Variants in PTPRS observed in about 807,000 individuals in gnomAD.
PTPRS encodes receptor-type tyrosine-protein phosphatase S.
In PTPRS, 63 loss-of-function variants were observed where a neutral mutation model predicts 215.3. The observed-to-expected ratio is 0.29, with a 90% CI of 0.24 to 0.36. The LOEUF is 0.36. Ranked by LOEUF, PTPRS falls within the 10% of genes least tolerant of loss-of-function variation. PTPRS has a pLI of 1.00. For synonymous variants in PTPRS, 1,404 were observed against 1,191.4 expected (o/e 1.18, Z -3.68); for missense variants, 2,258 against 2,825.8 (o/e 0.80, Z 4.56).
intron 16 of PTPRS, among the ~76,000 whole-genome samples, chr19:5,228,132 GA>G (rs1007844205): frequency 2.0e-5 from 3 of 151,952 alleles, no homozygotes; most frequent in African/African-American, 7.2e-5. Flanking sequence ...CAGTGTGGGT[GA>G]GAGATGGGAG....
At position 5,222,918 on chromosome 19, in the gene PTPRS, G is replaced by A. The variant is rs1045006776; in HGVS notation, c.2874C>T (p.Arg958=). The A allele has an allele frequency of 6.4e-7, 1 of 1,565,514 alleles. No individual in the cohort carries two copies. The highest frequency in any genetic ancestry group is 8.6e-7 in the Non-Finnish European group (1 of 1,163,030). The change falls in exon 18 of 38, where the codon CGC becomes CGT. Residue 958 remains arginine (R), a synonymous_variant. Transcript: ENST00000262963. ...CCGTGTATTTGACGATGGCCCCGTT[G>A]CGCTCGGCGGGCACGGGTGGCAGCC... The part of the protein sequence containing the change: ...LRWLPPVPAE[R]NGAIVKYTVA...
At chr19:5,245,568 C>A (rs375835046) in intron 10 of PTPRS, among the ~76,000 whole-genome samples, 1 of 152,242 alleles carries the variant, frequency 6.6e-6, no homozygotes, top group South Asian at 2.1e-4. Context: ...GCTGGGATTA[C>A]AGGCGTGAAT....
rs910795110 is a variant in PTPRS, at chr19:5,205,546, C to T, written c.*1228G>A. Among the ~76,000 whole-genome samples the T allele has an allele frequency of 2.0e-5, 3 of 152,212 alleles. No homozygotes were observed. The highest frequency in any genetic ancestry group is 4.4e-5 in the Non-Finnish European group (3 of 68,038). The stretch of plus-strand genomic sequence containing the variant: ...CTTTAATACAAAGTCGATATATCTA[C>T]ATACACGGGGGTGGGAAAACCACCC... On this transcript the variant is annotated 3_prime_UTR_variant, in exon 38 of 38. Coordinates refer to ENST00000262963, the MANE Select transcript of PTPRS (RefSeq NM_002850.4).
In PTPRS at chr19:5,210,438, G is replaced by A. The variant is rs915959450; in HGVS notation, c.5487+31C>T. Reference sequence around the variant, plus strand: ...CCCTTTCCAGATCACTAAGGCTCCAGCCCCTCCCGCCAGTCTGTCTCTTCA... The same window carrying A: ...CCCTTTCCAGATCACTAAGGCTCCAACCCCTCCCGCCAGTCTGTCTCTTCA... On this transcript the variant is annotated intron_variant, in intron 35 of 37. Coordinates refer to ENST00000262963, the MANE Select transcript of PTPRS (RefSeq NM_002850.4). This position sits in a 1 kb window ranked among gnomAD's most constrained non-coding sequence, Gnocchi z 4.5. 6.2e-7 allele frequency: 1 copy of A among 1,613,614 alleles called. No individual in the cohort carries two copies. Among genetic ancestry groups the A allele is most frequent in the Non-Finnish European group, 8.5e-7 (1 of 1,179,814 alleles).
At chr19:5,271,561 A>G (rs2046912644) in intron 4 of PTPRS, among the ~76,000 whole-genome samples, 1 of 151,494 alleles carries the variant, frequency 6.6e-6, no homozygotes, top group Admixed American at 6.6e-5. Flanking sequence ...CATCACGTTC[A>G]GCTAATTTTT....
intron 12 of PTPRS, 42 bp from the exon 13 acceptor site, chr19:5,239,105 G>C (rs1287558600): frequency 2.0e-6 from 3 of 1,482,494 alleles, no homozygotes; most frequent in South Asian, 1.2e-5. Flanking sequence ...ATGGGGGAGA[G>C]AGAGAGAGAG....
chr19:5,294,716 C>T lies in PTPRS; in HGVS notation c.-94-8482G>A, dbSNP rs2049076582. On this transcript the variant is annotated intron_variant, in intron 1 of 37. Coordinates refer to ENST00000262963, the MANE Select transcript of PTPRS (RefSeq NM_002850.4). The surrounding 1 kb of genome is among the most constrained non-coding windows in gnomAD (Gnocchi z 5.1). ...CCCTTACCATGCCTCAGTTTCCCTC[C>T]TCTGCAAAATGGAGCATGGAATCGC... 6.6e-6 allele frequency: 1 copy of T among 152,280 alleles called. No homozygotes were observed. The highest frequency in any genetic ancestry group is 1.5e-5 in the Non-Finnish European group (1 of 68,072). 9.4% of individuals were successfully genotyped at this position (152,280 alleles called of 1,614,324 possible). A position where few individuals can be genotyped will look rare whatever the true frequency, so the allele number is the denominator to read the frequency against.
At chr19:5,218,907 C>G in intron 23 of PTPRS, 109 bp from the exon 24 acceptor site, 1 of 1,199,756 alleles carries the variant, frequency 8.3e-7, no homozygotes, top group Non-Finnish European at 1.2e-6. Flanking sequence ...TCCTTAACCT[C>G]TGTGAGCTTT....
At chr19:5,270,723 C>T (rs369015161) in intron 4 of PTPRS, among the ~76,000 whole-genome samples, 8 of 152,180 alleles carry the variant, frequency 5.3e-5, no homozygotes, top group African/African-American at 1.7e-4. Context: ...CTGCAGCCTC[C>T]GCCTCCCGGG....
In PTPRS at chr19:5,222,180, T is replaced by C. The variant is rs2042033575; in HGVS notation, c.3144A>G (p.Thr1048=). The change falls in exon 19 of 38, where the codon ACA becomes ACG. Residue 1048 remains threonine, a synonymous_variant. Transcript: ENST00000262963. ...KNFKVKMIMK[T]SVLLSWEFPD... ...GGAACTCCCAGCTGAGCAGAACTGATGTCTTCATGATCATTTTCACCTTGA... is the reference window on the plus strand; with the variant it reads ...GGAACTCCCAGCTGAGCAGAACTGACGTCTTCATGATCATTTTCACCTTGA... The C allele has an allele frequency of 6.2e-6, 10 of 1,613,988 alleles. No homozygotes were observed. Among genetic ancestry groups the C allele is most frequent in the South Asian group, 1.1e-5 (1 of 91,076 alleles).
chr19:5,298,839 T>C (rs2049220236), intron 1 of PTPRS, among the ~76,000 whole-genome samples: 1 of 152,154 alleles, frequency 6.6e-6, no homozygotes, highest in African/African-American at 2.4e-5. Context: ...TCCCATGTCT[T>C]CCCCAACTCT....
chr19:5,221,327 T>TC (rs2041958137), intron 19 of PTPRS, 74 bp from the exon 20 acceptor site: 1 of 1,536,546 alleles, frequency 6.5e-7, no homozygotes, highest in East Asian at 2.3e-5. Context: ...CCAGGATGAG[T>TC]CCCCCACCCT....
At position 5,214,475 on chromosome 19, in the gene PTPRS, C is replaced by G. The variant is rs61729768; in HGVS notation, c.4500G>C (p.Lys1500Asn). ...CTCTGTTGGGCCAATACTGATCACA[C>G]TTGATCTGTATCGGGCAAGAGAACA... ...MTRLEEKSRI[K>N]CDQYWPNRGT... The change falls in exon 30 of 38, where the codon AAG becomes AAC. Residue 1500 changes from lysine to asparagine, a missense_variant. This residue lies in a region of PTPRS where 927 missense variants were observed against 1,125.9 expected (regional missense o/e 0.82). Coordinates refer to ENST00000262963, the MANE Select transcript of PTPRS (RefSeq NM_002850.4). 6.2e-7 allele frequency: 1 copy of G among 1,614,018 alleles called. No individual in the cohort carries two copies. Among genetic ancestry groups the G allele is most frequent in the Non-Finnish European group, 8.5e-7 (1 of 1,180,042 alleles).
chr19:5,231,528 G>A lies in PTPRS; in HGVS notation c.1937C>T (p.Thr646Met), dbSNP rs760884281. The A allele has an allele frequency of 1.4e-5, 23 of 1,611,530 alleles. No homozygotes were observed. Among genetic ancestry groups the A allele is most frequent in the Admixed American group, 1.0e-4 (6 of 59,830 alleles). The change falls in exon 14 of 38, where the codon ACG (threonine) becomes ATG (methionine). Residue 646 changes from threonine (T) to methionine (M), a missense_variant. By Grantham distance (81) the Thr-to-Met change is moderately conservative. Around this residue, in one of 6 missense-constraint regions of PTPRS, gnomAD observed 371 missense variants for 446.7 expected, o/e 0.83. Coordinates refer to ENST00000262963, the MANE Select transcript of PTPRS (RefSeq NM_002850.4). Reference sequence around the variant, plus strand: ...GTAGCCCACCAGGGCCCCGTTGTGCGTTTCCGGCGGCGGCGGGCGCCAACT... The same window carrying A: ...GTAGCCCACCAGGGCCCCGTTGTGCATTTCCGGCGGCGGCGGGCGCCAACT... ...LVSWRPPPPE[T>M]HNGALVGYSV... is the part of the protein sequence containing the mutation.
At chr19:5,222,336 C>T (rs2042051900) in intron 18 of PTPRS, 116 bp from the exon 19 acceptor site, 1 of 860,094 alleles carries the variant, frequency 1.2e-6, no homozygotes. Context: ...CTGTCGTCCG[C>T]TGTGCCCATG....
chr19:5,244,499 G>A lies in PTPRS; in HGVS notation c.989-17C>T, dbSNP rs1206541097. The A allele has an allele frequency of 3.1e-6, 5 of 1,602,192 alleles. No individual in the cohort carries two copies. In the East Asian group the frequency reaches 8.9e-5, roughly 29 times the overall value. ...TGGGGAGAGCTGTGGGCAGGAGGCA[G>A]CTGTGTCACGCATTGGGCACATTGG... On this transcript the variant is annotated splice_polypyrimidine_tract_variant and intron_variant, in intron 10 of 37. Transcript: ENST00000262963. This position sits in a 1 kb window ranked among gnomAD's most constrained non-coding sequence, Gnocchi z 7.2.
rs112313669 is a variant in PTPRS, at chr19:5,210,281, A to T, written c.5487+188T>A. Among the ~76,000 whole-genome samples the T allele has an allele frequency of 2.7e-4, 41 of 152,314 alleles. No individual in the cohort carries two copies. Among genetic ancestry groups the T allele is most frequent in the African/African-American group, 9.4e-4 (39 of 41,566 alleles). On this transcript the variant is annotated intron_variant, in intron 35 of 37. Coordinates refer to ENST00000262963, the MANE Select transcript of PTPRS (RefSeq NM_002850.4). This position sits in a 1 kb window ranked among gnomAD's most constrained non-coding sequence, Gnocchi z 4.5. ...TGAGTGGAGACACTGCAGGGTCAGC[A>T]CAGAGATAAGACCCTCTCTTCCACC... is the stretch of plus-strand genomic sequence containing the variant.
In PTPRS at chr19:5,229,342, A is replaced by T; in HGVS notation, c.2350T>A (p.Trp784Arg). The change falls in exon 16 of 38, where the codon TGG (tryptophan) becomes AGG (arginine). Residue 784 changes from tryptophan (W) to arginine (R), a missense_variant and splice_region_variant. Trp to Arg is a moderately radical substitution (Grantham distance 101, BLOSUM62 -3). Around this residue, in one of 6 missense-constraint regions of PTPRS, gnomAD observed 371 missense variants for 446.7 expected, o/e 0.83. Coordinates refer to ENST00000262963, the MANE Select transcript of PTPRS (RefSeq NM_002850.4). ...TATTCGGCCGTGTCATCCGTCTCCC[A>T]CTGAGCGCGGGAGGAGGCGGCAGGG... ...IKDVMLADAQ[W>R]ETDDTAEYEM... 1 of 1,380,540 alleles carries T rather than the reference A, an allele frequency of 7.2e-7. No homozygotes were observed. The highest frequency in any genetic ancestry group is 2.0e-5 in the South Asian group (1 of 49,222). 85.5% of individuals were successfully genotyped at this position (1,380,540 alleles called of 1,614,324 possible). A position where few individuals can be genotyped will look rare whatever the true frequency, so the allele number is the denominator to read the frequency against.
rs1318480513 is a variant in PTPRS at position 5,220,363 on chromosome 19, G to A, written c.3456-10C>T. 4 of 1,609,696 alleles carry A rather than the reference G, an allele frequency of 2.5e-6. No individual in the cohort carries two copies. Among genetic ancestry groups the A allele is most frequent in the African/African-American group, 1.3e-5 (1 of 74,978 alleles). On this transcript the variant is annotated splice_polypyrimidine_tract_variant and intron_variant, in intron 20 of 37. Coordinates refer to ENST00000262963, the MANE Select transcript of PTPRS (RefSeq NM_002850.4). ...CACAATGAAATAGCTCCTGTAGGGAGATGGGAAAGAGTCAGAGGGGCTGTC... is the reference window on the plus strand; with the variant it reads ...CACAATGAAATAGCTCCTGTAGGGAAATGGGAAAGAGTCAGAGGGGCTGTC...
Sources: gnomAD v4.1 joint callset for allele counts (sites outside exome capture counted in the v4.1 genomes callset) on GRCh38, gnomAD v4.1.1 for gene constraint, gnomAD v4.1.1 regional missense constraint, Gnocchi (gnomAD v3.1) non-coding constraint, MANE v1.5 for transcripts, NCBI Gene and HGNC (gene_info 2026-07-23, HGNC 2026-07-21) for gene names.